The following CNTN5 variants were observed in gnomAD, a reference collection of about 807,000 sequenced individuals.
The protein encoded by CNTN5 is contactin-5.
Under a neutral mutation model 129.1 loss-of-function variants are expected in CNTN5, and 77 were observed. That is an observed-to-expected ratio of 0.60 (90% CI 0.50 to 0.72). The LOEUF is 0.72. CNTN5 is among the 30% of genes least tolerant of loss of function. CNTN5 has a pLI of 0.00. For synonymous variants in CNTN5, 509 were observed against 465.6 expected, an observed-to-expected ratio of 1.09 and a Z score of -1.20; for missense variants, 1,478 against 1,328.8, an observed-to-expected ratio of 1.11 and a Z score of -1.75.
intron 2 of CNTN5, among the ~76,000 whole-genome samples, chr11:99,330,333 G>A (rs1369360153): frequency 1.3e-5 from 2 of 151,680 alleles, no homozygotes; most frequent in Non-Finnish European, 2.9e-5. Context: ...TTGGCCTTTG[G>A]GCATTAATAT....
rs146134071 is a variant in CNTN5, at chr11:99,093,239, T to G, written c.-210+71969T>G. On this transcript the variant is annotated intron_variant, in intron 1 of 24. Coordinates refer to ENST00000524871, the MANE Select transcript of CNTN5 (RefSeq NM_014361.4). ...GTTAGTTCTCTTAAAGCATAGTTAT[T>G]GTTTAATTTAGTTGTAATAGATATT... is the stretch of plus-strand genomic sequence containing the variant. Among the ~76,000 whole-genome samples the G allele has an allele frequency of 6.8e-4, 104 of 152,192 alleles. No individual in the cohort carries two copies. In the East Asian group the frequency reaches 0.018, roughly 27 times the overall value.
At position 99,080,550 on chromosome 11, in the gene CNTN5, A is replaced by G. The variant is rs1423517361; in HGVS notation, c.-210+59280A>G. On this transcript the variant is annotated intron_variant, in intron 1 of 24. Coordinates refer to ENST00000524871, the MANE Select transcript of CNTN5 (RefSeq NM_014361.4). ...GCAGAAGAGAAGGGGCAGATTCCCA[A>G]ATTTGCTGTTTTTCTCAGTATGAGG... Among the ~76,000 whole-genome samples, 4 of 152,166 alleles carry G rather than the reference A, an allele frequency of 2.6e-5. No homozygotes were observed. The East Asian group carries it at 5.8e-4, about 22-fold the overall frequency.
chr11:99,808,984 G>T (rs1019141059), intron 3 of CNTN5, among the ~76,000 whole-genome samples: 3 of 152,082 alleles, frequency 2.0e-5, no homozygotes, highest in South Asian at 4.1e-4. Context: ...AAGTTTATTT[G>T]CTCAGAGCAG....
intron 9 of CNTN5, among the ~76,000 whole-genome samples, chr11:100,019,616 C>G (rs12291470): frequency 1.3e-5 from 2 of 151,752 alleles, no homozygotes; most frequent in Non-Finnish European, 2.9e-5. Context: ...AAGCTGATTG[C>G]GTATCTTGGC....
At chr11:99,424,708 G>T (rs1943044153) in intron 2 of CNTN5, among the ~76,000 whole-genome samples, 1 of 152,252 alleles carries the variant, frequency 6.6e-6, no homozygotes, top group East Asian at 1.9e-4. Flanking sequence ...GAGCTCCTAT[G>T]TCTGGGCTGC....
At chr11:100,213,788 T>G (rs1949083580) in intron 15 of CNTN5, among the ~76,000 whole-genome samples, 1 of 152,214 alleles carries the variant, frequency 6.6e-6, no homozygotes, top group African/African-American at 2.4e-5. Flanking sequence ...TGATGTGTTT[T>G]AATTGCCTCA....
At chr11:99,855,853 A>T (rs1565609437) in intron 6 of CNTN5, among the ~76,000 whole-genome samples, 1 of 152,172 alleles carries the variant, frequency 6.6e-6, no homozygotes, top group Admixed American at 6.5e-5. Flanking sequence ...AATTTCTAGA[A>T]ATATTTTCTT....
At chr11:99,591,817 C>T (rs1427439531) in intron 3 of CNTN5, among the ~76,000 whole-genome samples, 2 of 152,110 alleles carry the variant, frequency 1.3e-5, no homozygotes, top group African/African-American at 4.8e-5. Flanking sequence ...CAGTGCCAAA[C>T]ATTTGCAGGA....
In CNTN5 at chr11:99,921,232, C is replaced by T. The variant is rs546173275; in HGVS notation, c.673+5083C>T. ...ATATCAAAGCCAAAGTCCCTACCAT[C>T]GCTTGGAGAACCCTCGCCATTTGCC... On this transcript the variant is annotated intron_variant, in intron 7 of 24. Transcript: ENST00000524871. Among the ~76,000 whole-genome samples, 36 of 152,312 alleles carry T rather than the reference C, an allele frequency of 2.4e-4. 1 individual carries two copies. In the East Asian group the frequency reaches 4.2e-3, roughly 18 times the overall value.
chr11:99,612,833 T>TG (rs1218047578), intron 3 of CNTN5, among the ~76,000 whole-genome samples: 1 of 152,238 alleles, frequency 6.6e-6, no homozygotes, highest in Non-Finnish European at 1.5e-5. Flanking sequence ...GACAAAATTC[T>TG]GGCCTTGGAG....
At chr11:100,337,063 A>G (rs1200078571) in intron 21 of CNTN5, 6 of 1,233,474 alleles carry the variant, frequency 4.9e-6, no homozygotes, top group Non-Finnish European at 7.2e-6. Flanking sequence ...CAATGCTGAG[A>G]TTTCACAAAT....
intron 15 of CNTN5, among the ~76,000 whole-genome samples, chr11:100,196,823 T>G (rs1948651408): frequency 1.3e-5 from 2 of 151,974 alleles, no homozygotes; most frequent in Admixed American, 6.6e-5. Context: ...TTTGGCAAAT[T>G]TTATGAATAA....
intron 24 of CNTN5, among the ~76,000 whole-genome samples, chr11:100,352,161 C>T (rs972325918): frequency 6.6e-6 from 1 of 151,560 alleles, no homozygotes; most frequent in African/African-American, 2.4e-5. Flanking sequence ...TGATCCTCTC[C>T]CTCCTCCCAA....
intron 3 of CNTN5, among the ~76,000 whole-genome samples, chr11:99,706,760 A>G (rs1954772445): frequency 6.6e-6 from 1 of 150,452 alleles, no homozygotes; most frequent in South Asian, 2.1e-4. Context: ...TCTACACTCT[A>G]CTTAACTGAC....
At position 100,331,892 on chromosome 11, in the gene CNTN5, G is replaced by A. The variant is rs141678081; in HGVS notation, c.2731-8571G>A. Among the ~76,000 whole-genome samples the A allele has an allele frequency of 7.4e-3, 1,119 of 152,058 alleles. 9 individuals carry two copies. The highest frequency in any genetic ancestry group is 0.01 in the Non-Finnish European group (683 of 67,944). On this transcript the variant is annotated intron_variant, in intron 21 of 24. Transcript: ENST00000524871. Reference sequence around the variant, plus strand: ...TGACTAGATTAAAAAGTCTGAAAGAGCACAAATAGACAATCTTAGGTCACA... The same window carrying A: ...TGACTAGATTAAAAAGTCTGAAAGAACACAAATAGACAATCTTAGGTCACA...
intron 7 of CNTN5, among the ~76,000 whole-genome samples, chr11:99,923,445 T>C (rs1432764491): frequency 6.6e-6 from 1 of 152,202 alleles, no homozygotes; most frequent in Non-Finnish European, 1.5e-5. Flanking sequence ...TAAAGTTATT[T>C]TACTATTTAG....
In CNTN5 at chr11:99,726,814, C is replaced by G. The variant is rs143937116; in HGVS notation, c.56-92730C>G. ...TATAACCACTGCACAATACCACTCT[C>G]CGCCCCATCTTTAAGTATAGTGCTT... On this transcript the variant is annotated intron_variant, in intron 3 of 24. Transcript: ENST00000524871. Among the ~76,000 whole-genome samples, 106 of 152,230 alleles carry G rather than the reference C, an allele frequency of 7.0e-4. 3 individuals are homozygous for G. The East Asian group carries it at 0.019, about 27-fold the overall frequency.
intron 1 of CNTN5, among the ~76,000 whole-genome samples, chr11:99,250,415 T>C (rs906921213): frequency 6.6e-6 from 1 of 151,970 alleles, no homozygotes; most frequent in Non-Finnish European, 1.5e-5. Context: ...TTAAAAATGC[T>C]TTGGTGTAAT....
intron 8 of CNTN5, among the ~76,000 whole-genome samples, chr11:99,962,247 T>A (rs894174830): frequency 6.6e-6 from 1 of 152,106 alleles, no homozygotes; most frequent in African/African-American, 2.4e-5. Context: ...CATGTTGGTG[T>A]GCTGCACCCA....
Sources: gnomAD v4.1 joint callset for allele counts (sites outside exome capture counted in the v4.1 genomes callset) on GRCh38, gnomAD v4.1.1 for gene constraint, MANE v1.5 for transcripts, NCBI Gene and HGNC (gene_info 2026-07-23, HGNC 2026-07-21) for gene names.